MYL1: variants seen among roughly 807,000 people sequenced by gnomAD.
MYL1 encodes myosin light chain 1, also known as myosin light chain 1/3, skeletal muscle isoform.
A neutral mutation model predicts 21.8 loss-of-function variants in MYL1; 16 were observed. That is an observed-to-expected ratio of 0.74 (90% CI 0.50 to 1.12). MYL1 has a LOEUF of 1.12. Among genes scored for constraint, MYL1 ranks in the 50% most tolerant of loss-of-function variants. The pLI, the probability that MYL1 is intolerant of heterozygous loss-of-function variation, is 0.00. For synonymous variants in MYL1, 99 were observed against 85.2 expected, an observed-to-expected ratio of 1.16 and a Z score of -0.89; for missense variants, 246 against 241.0, an observed-to-expected ratio of 1.02 and a Z score of -0.14.
rs1390362206 is a variant in MYL1 at position 210,294,145 on chromosome 2, T to G, written c.478+100A>C. 1.8e-5 allele frequency: 23 copies of G among 1,245,080 alleles called. No homozygotes were observed. In the East Asian group the frequency reaches 5.3e-4, roughly 28 times the overall value. 77.1% of individuals were successfully genotyped at this position (1,245,080 alleles called of 1,614,324 possible). A position where few individuals can be genotyped will look rare whatever the true frequency, so the allele number is the denominator to read the frequency against. On this transcript the variant is annotated intron_variant, in intron 4 of 6. Coordinates refer to ENST00000352451, the MANE Select transcript of MYL1 (RefSeq NM_079420.3). ...ACTATTTTTTTTTCCCATTTTCCCTTTGTAGTCTTTCCTCCTATTTTGGTA... is the reference window on the plus strand; with the variant it reads ...ACTATTTTTTTTTCCCATTTTCCCTGTGTAGTCTTTCCTCCTATTTTGGTA...
chr2:210,308,758 A>T (rs1226523964), intron 1 of MYL1, among the ~76,000 whole-genome samples: 1 of 152,012 alleles, frequency 6.6e-6, no homozygotes, highest in Non-Finnish European at 1.5e-5. Flanking sequence ...CTTTCTCATG[A>T]TTAATAATTG....
chr2:210,307,086 G>T (rs1575706531), intron 1 of MYL1, among the ~76,000 whole-genome samples: 1 of 152,038 alleles, frequency 6.6e-6, no homozygotes, highest in Admixed American at 6.6e-5. Context: ...GATAACATTT[G>T]TTTCCCTTGA....
Position 210,294,336 on chromosome 2 carries a change from A to G in MYL1, c.387T>C (p.Tyr129=), listed in dbSNP as rs1467579261. ...AISNNKDQAT[Y]EDFVEGLRVF... is the part of the protein sequence containing the mutation. ...CACGCAGACCCTCAACAAAGTCTTC[A>G]TAGGTGGCCTGGTCCTTGTTGTTGG... Residue 129 remains tyrosine, a synonymous_variant, in exon 4 of 7, where the codon TAT becomes TAC. Coordinates refer to ENST00000352451, the MANE Select transcript of MYL1 (RefSeq NM_079420.3). 1 of 1,614,096 alleles carries G rather than the reference A, an allele frequency of 6.2e-7. No homozygotes were observed. Among genetic ancestry groups the G allele is most frequent in the South Asian group, 1.1e-5 (1 of 91,084 alleles).
chr2:210,291,461 G>T (rs982305188), intron 5 of MYL1, among the ~76,000 whole-genome samples: 3 of 152,088 alleles, frequency 2.0e-5, no homozygotes, highest in Admixed American at 2.0e-4. Flanking sequence ...GTATGAAAGG[G>T]TATATAACAA....
intron 1 of MYL1, among the ~76,000 whole-genome samples, chr2:210,313,072 C>G (rs1365521543): frequency 2.6e-5 from 4 of 151,858 alleles, no homozygotes; most frequent in African/African-American, 9.7e-5. Flanking sequence ...GGCTTAATTT[C>G]TGGATTAGAA....
intron 1 of MYL1, 39 bp from the exon 2 acceptor site, chr2:210,302,554 A>G: frequency 6.3e-7 from 1 of 1,596,756 alleles, no homozygotes; most frequent in South Asian, 1.1e-5. Context: ...TGTTTTAACC[A>G]AACAAAAATG....
intron 1 of MYL1, chr2:210,302,863 G>C: frequency 3.3e-6 from 5 of 1,509,468 alleles, no homozygotes. Flanking sequence ...AGAAGAATGA[G>C]TGCTGGTTGC....
chr2:210,310,766 C>T (rs115046638), intron 1 of MYL1, among the ~76,000 whole-genome samples: 165 of 152,156 alleles, frequency 1.1e-3, no homozygotes, highest in African/African-American at 3.8e-3. Context: ...CTGTCATCCC[C>T]TCTTCTGGTT....
intron 1 of MYL1, among the ~76,000 whole-genome samples, chr2:210,303,901 C>T (rs1186855260): frequency 6.6e-6 from 1 of 152,102 alleles, no homozygotes; most frequent in African/African-American, 2.4e-5. Context: ...TGTTTGATGG[C>T]AGAAGAGCTT....
At chr2:210,295,852 G>C (rs1001870152) in intron 3 of MYL1, among the ~76,000 whole-genome samples, 4 of 148,360 alleles carry the variant, frequency 2.7e-5, no homozygotes, top group Non-Finnish European at 6.0e-5. Context: ...AAGAAAGAAA[G>C]AAAAAATAAA....
chr2:210,306,299 T>G (rs187953447), intron 1 of MYL1, among the ~76,000 whole-genome samples: 1 of 151,060 alleles, frequency 6.6e-6, no homozygotes, highest in Non-Finnish European at 1.5e-5. Context: ...GAGAATCACT[T>G]GAATCCGGGA....
At chr2:210,303,254 G>GT (rs1384843895) in intron 1 of MYL1, among the ~76,000 whole-genome samples, 6 of 152,066 alleles carry the variant, frequency 3.9e-5, no homozygotes, top group Admixed American at 6.6e-5. Flanking sequence ...GTAGCTACAG[G>GT]TTTTTTTCTT....
intron 4 of MYL1, 98 bp downstream of exon 4, chr2:210,294,147 G>T (rs1402252408): frequency 9.7e-6 from 12 of 1,233,002 alleles, no homozygotes; most frequent in South Asian, 1.8e-5. Flanking sequence ...TTTTCCCTTT[G>T]TAGTCTTTCC....
chr2:210,295,283 G>T (rs181026185), intron 3 of MYL1, among the ~76,000 whole-genome samples: 2 of 152,180 alleles, frequency 1.3e-5, no homozygotes, highest in Admixed American at 6.5e-5. Flanking sequence ...CTGAATAAAT[G>T]AGTATTTTAC....
intron 1 of MYL1, chr2:210,303,523 A>C: frequency 6.2e-7 from 1 of 1,607,200 alleles, no homozygotes; most frequent in Non-Finnish European, 8.5e-7. Flanking sequence ...ATGACAAATT[A>C]TTGTCTCATA....
intron 3 of MYL1, among the ~76,000 whole-genome samples, chr2:210,297,013 GT>G (rs1389007520): frequency 7.3e-6 from 1 of 136,570 alleles, no homozygotes; most frequent in African/African-American, 3.0e-5. Context: ...GTGTGTGTGT[GT>G]GTACATATAT....
chr2:210,298,322 T>TAC (rs940172783), intron 3 of MYL1, 98 bp downstream of exon 3: 61 of 1,279,238 alleles, frequency 4.8e-5, no homozygotes, highest in Middle Eastern at 2.3e-4. Flanking sequence ...ACACACATAC[T>TAC]ACACACACAC....
intron 3 of MYL1, among the ~76,000 whole-genome samples, chr2:210,296,400 T>A (rs1343557598): frequency 6.6e-6 from 1 of 152,198 alleles, no homozygotes; most frequent in African/African-American, 2.4e-5. Flanking sequence ...CTAGTTATAA[T>A]TTTGTATTCA....
At chr2:210,295,775 T>A (rs1690163893) in intron 3 of MYL1, among the ~76,000 whole-genome samples, 1 of 147,936 alleles carries the variant, frequency 6.8e-6, no homozygotes, top group Non-Finnish European at 1.5e-5. Context: ...CAGTGGGCTA[T>A]GATCATGCCA....
Sources: allele counts gnomAD v4.1 joint callset (sites outside exome capture counted in the v4.1 genomes callset), GRCh38; gene constraint gnomAD v4.1.1; transcripts MANE v1.5; gene names NCBI Gene and HGNC (gene_info 2026-07-23, HGNC 2026-07-21).